The following PREX2 variants were observed in gnomAD, a reference collection of about 807,000 sequenced individuals.
PREX2 encodes the protein phosphatidylinositol 3,4,5-trisphosphate-dependent Rac exchanger 2 protein.
Under a neutral mutation model 203.2 loss-of-function variants are expected in PREX2, and 107 were observed. That is an observed-to-expected ratio of 0.53 (90% CI 0.45 to 0.62). PREX2 has a LOEUF of 0.62. Among genes scored for constraint, PREX2 ranks in the 20% least tolerant of loss-of-function variants. PREX2 has a pLI of 0.00. For missense variants in PREX2, 1,777 were observed against 1,955.9 expected, an observed-to-expected ratio of 0.91 and a Z score of 1.72; for synonymous variants, 672 against 663.6, an observed-to-expected ratio of 1.01 and a Z score of -0.19.
At chr8:68,228,521 G>C (rs534068275) in intron 39 of PREX2, among the ~76,000 whole-genome samples, 1 of 152,206 alleles carries the variant, frequency 6.6e-6, no homozygotes, top group East Asian at 1.9e-4. Context: ...CCAGCACTTT[G>C]GGAGGCCGAG....
chr8:68,191,650 T>A (rs1397478671), intron 35 of PREX2, 72 bp from the exon 36 acceptor site: 1 of 1,097,794 alleles, frequency 9.1e-7, no homozygotes, highest in Non-Finnish European at 1.4e-6. Context: ...AGTCAGTGAT[T>A]CTTGAACATC....
intron 30 of PREX2, among the ~76,000 whole-genome samples, chr8:68,126,879 A>G (rs117034122): frequency 0.048 from 7,356 of 151,840 alleles, 275 homozygotes; most frequent in Non-Finnish European, 0.073. Flanking sequence ...GTGTATATAT[A>G]TGTGTGTAAT....
intron 35 of PREX2, among the ~76,000 whole-genome samples, chr8:68,164,886 CTT>C (rs71554623): frequency 1.4e-4 from 19 of 133,740 alleles, no homozygotes; most frequent in Non-Finnish European, 1.7e-4. Context: ...CCGGCCAAAC[CTT>C]TTTTTTTTTT....
chr8:68,159,016 A>G (rs1811602239), intron 35 of PREX2, among the ~76,000 whole-genome samples: 1 of 152,208 alleles, frequency 6.6e-6, no homozygotes, highest in South Asian at 2.1e-4. Flanking sequence ...AATATAATCC[A>G]TGTAAGGATT....
chr8:68,046,227 C>T (rs940294711), intron 8 of PREX2, among the ~76,000 whole-genome samples: 8 of 151,964 alleles, frequency 5.3e-5, no homozygotes, highest in Admixed American at 2.0e-4. Flanking sequence ...CTTTACTCCC[C>T]GTGATGTCAG....
At position 68,192,463 on chromosome 8, in the gene PREX2, C is replaced by T. The variant is rs1480640656; in HGVS notation, c.4542C>T (p.Ser1514=). The change falls in exon 37 of 40, where the codon TCC becomes TCT. Residue 1514 remains serine, a synonymous_variant. Coordinates refer to ENST00000288368, the MANE Select transcript of PREX2 (RefSeq NM_024870.4). Reference sequence around the variant, plus strand: ...CTGGGGTTGGACTGCTGTCAGTTTCCTCGGAGCTGTGCAACAGGCTGGGCG... The same window carrying T: ...CTGGGGTTGGACTGCTGTCAGTTTCTTCGGAGCTGTGCAACAGGCTGGGCG... The part of the protein sequence containing the change: ...SASGVGLLSV[S]SELCNRLGAC... 6.2e-7 allele frequency: 1 copy of T among 1,613,778 alleles called. No homozygotes were observed. The highest frequency in any genetic ancestry group is 8.5e-7 in the Non-Finnish European group (1 of 1,179,960).
At chr8:68,214,975 T>A (rs1299007360) in intron 37 of PREX2, among the ~76,000 whole-genome samples, 1 of 152,364 alleles carries the variant, frequency 6.6e-6, no homozygotes, top group East Asian at 1.9e-4. Context: ...GGTGCAGCCA[T>A]CTGTTTTGGA....
rs558550875 is a variant in PREX2 at position 68,002,863 on chromosome 8, G to A, written c.142-14983G>A. On this transcript the variant is annotated intron_variant, in intron 1 of 39. Coordinates refer to ENST00000288368, the MANE Select transcript of PREX2 (RefSeq NM_024870.4). ...GTATAGATATTGTAGTTTGCAGACTGGTTAAATCAAGTTATATGGCTGTTT... is the reference window on the plus strand; with the variant it reads ...GTATAGATATTGTAGTTTGCAGACTAGTTAAATCAAGTTATATGGCTGTTT... 2.0e-4 allele frequency among the ~76,000 whole-genome samples: 30 copies of A among 152,248 alleles called. No individual in the cohort carries two copies. The South Asian group carries it at 6.0e-3, about 31-fold the overall frequency.
intron 6 of PREX2, among the ~76,000 whole-genome samples, chr8:68,037,872 A>G (rs1269612804): frequency 6.6e-6 from 1 of 152,174 alleles, no homozygotes; most frequent in Non-Finnish European, 1.5e-5. Context: ...TCTCCTTTCA[A>G]CATGACATAG....
chr8:68,105,224 A>G (rs1185130670), intron 23 of PREX2: 3 of 1,367,644 alleles, frequency 2.2e-6, no homozygotes, highest in Admixed American at 3.8e-5. Flanking sequence ...TAAGCAGCAC[A>G]TTTCCAGTAC....
intron 6 of PREX2, among the ~76,000 whole-genome samples, chr8:68,036,183 C>T (rs776666177): frequency 8.6e-5 from 13 of 151,964 alleles, no homozygotes; most frequent in Non-Finnish European, 1.3e-4. Context: ...AAAAGTCAAA[C>T]GAACGAACAG....
At chr8:68,078,382 C>T (rs1055733827) in intron 15 of PREX2, among the ~76,000 whole-genome samples, 15 of 152,142 alleles carry the variant, frequency 9.9e-5, no homozygotes, top group African/African-American at 2.9e-4. Flanking sequence ...AGGCTGATCT[C>T]GAACTCCTGA....
chr8:68,146,292 C>T lies in PREX2; in HGVS notation c.4171C>T (p.Leu1391Phe). 6.2e-7 allele frequency: 1 copy of T among 1,612,890 alleles called. No individual in the cohort carries two copies. Among genetic ancestry groups the T allele is most frequent in the East Asian group, 2.2e-5 (1 of 44,698 alleles). ...CATTGATAGTTATCATTTTGAACAA[C>T]TTCCTCAACGGCTGAAAAATGGAGG... ...FYIDSYHFEQ[L>F]PQRLKNGGGF... Residue 1391 changes from leucine (L) to phenylalanine (F), a missense_variant, in exon 34 of 40, where the codon CTT becomes TTT. By Grantham distance (22) the Leu-to-Phe change is conservative. Transcript: ENST00000288368.
chr8:68,198,927 C>T (rs1389145807), intron 37 of PREX2, among the ~76,000 whole-genome samples: 3 of 152,172 alleles, frequency 2.0e-5, no homozygotes, highest in Admixed American at 6.5e-5. Context: ...GACTTGAGTG[C>T]AGGCCTCATG....
chr8:68,206,907 A>G (rs1812636597), intron 37 of PREX2, among the ~76,000 whole-genome samples: 1 of 152,178 alleles, frequency 6.6e-6, no homozygotes, highest in Non-Finnish European at 1.5e-5. Flanking sequence ...AATAATGAAA[A>G]TGAAAACAAG....
intron 4 of PREX2, among the ~76,000 whole-genome samples, chr8:68,026,834 C>T (rs1377965250): frequency 6.6e-6 from 1 of 152,054 alleles, no homozygotes; most frequent in Non-Finnish European, 1.5e-5. Flanking sequence ...TTGATACTTG[C>T]CCTTCTACAA....
chr8:67,999,723 C>T (rs1294440037), intron 1 of PREX2, among the ~76,000 whole-genome samples: 3 of 152,114 alleles, frequency 2.0e-5, no homozygotes, highest in Non-Finnish European at 4.4e-5. Context: ...CAACAAAATA[C>T]TTACAAACTG....
chr8:68,230,672 C>T (rs1329161639), intron 39 of PREX2, among the ~76,000 whole-genome samples: 1 of 152,116 alleles, frequency 6.6e-6, no homozygotes, highest in Non-Finnish European at 1.5e-5. Context: ...AACAACTAGA[C>T]CTGGGCTGCA....
In PREX2 at chr8:68,131,905, G is replaced by A. The variant is rs929517056; in HGVS notation, c.3767-2154G>A. ...TCAAGGTATGGGTGGGAGTATTTCT[G>A]CCAAATCTACTGAAGTATTTTTAAA... On this transcript the variant is annotated intron_variant, in intron 31 of 39. Coordinates refer to ENST00000288368, the MANE Select transcript of PREX2 (RefSeq NM_024870.4). 2.0e-5 allele frequency among the ~76,000 whole-genome samples: 3 copies of A among 152,024 alleles called. No individual in the cohort carries two copies. The East Asian group carries it at 5.8e-4, about 29-fold the overall frequency.
Sources: gnomAD v4.1 joint callset for allele counts (sites outside exome capture counted in the v4.1 genomes callset) on GRCh38, gnomAD v4.1.1 for gene constraint, MANE v1.5 for transcripts, NCBI Gene and HGNC (gene_info 2026-07-23, HGNC 2026-07-21) for gene names.